The following NSMCE2 variants were observed in gnomAD, a reference collection of about 807,000 sequenced individuals.
The protein encoded by NSMCE2 is E3 SUMO-protein ligase NSE2.
NSMCE2 carries 24 observed loss-of-function variants against 23.8 expected under a neutral mutation model. The ratio of observed to expected loss-of-function variants is 1.01; its 90% confidence interval spans 0.73 to 1.42. The LOEUF (loss-of-function observed/expected upper bound fraction) is 1.42, where lower values mean the gene tolerates loss of function less well. NSMCE2 is among the 40% of genes most tolerant of loss of function. NSMCE2 has a pLI of 0.00. For missense variants in NSMCE2, 284 were observed against 296.5 expected, an observed-to-expected ratio of 0.96 and a Z score of 0.31; for synonymous variants, 92 against 94.1, an observed-to-expected ratio of 0.98 and a Z score of 0.13.
intron 1 of NSMCE2, among the ~76,000 whole-genome samples, chr8:125,099,707 G>C (rs749203443): frequency 6.6e-6 from 1 of 152,122 alleles, no homozygotes; most frequent in African/African-American, 2.4e-5. Context: ...AGTTGCAGTG[G>C]AGTGATAGAG....
At chr8:125,248,972 C>A (rs1444767037) in intron 5 of NSMCE2, among the ~76,000 whole-genome samples, 1 of 151,992 alleles carries the variant, frequency 6.6e-6, no homozygotes, top group Non-Finnish European at 1.5e-5. Flanking sequence ...GTGTTCAAGA[C>A]CAGCCTGGCC....
At chr8:125,117,012 C>G in intron 3 of NSMCE2, among the ~76,000 whole-genome samples, 1 of 151,674 alleles carries the variant, frequency 6.6e-6, no homozygotes, top group East Asian at 1.9e-4. Context: ...CTTAGCCTCC[C>G]AAGTAGCTGG....
chr8:125,293,147 A>G (rs1828181594), intron 5 of NSMCE2, among the ~76,000 whole-genome samples: 2 of 152,128 alleles, frequency 1.3e-5, no homozygotes, highest in South Asian at 2.1e-4. Context: ...AGCACTTACT[A>G]TATTCTGGGT....
chr8:125,099,470 A>AACTT (rs1260906234), intron 1 of NSMCE2, among the ~76,000 whole-genome samples: 2 of 152,112 alleles, frequency 1.3e-5, no homozygotes, highest in Non-Finnish European at 2.9e-5. Flanking sequence ...AAGAAAAAGA[A>AACTT]GCTTGGATTC....
At chr8:125,193,859 C>T (rs927253676) in intron 5 of NSMCE2, among the ~76,000 whole-genome samples, 11 of 152,200 alleles carry the variant, frequency 7.2e-5, no homozygotes, top group Non-Finnish European at 1.5e-4. Context: ...GAAGCAGCCT[C>T]ATAATTACCC....
chr8:125,143,123 G>C (rs1356988068), intron 3 of NSMCE2, among the ~76,000 whole-genome samples: 2 of 148,042 alleles, frequency 1.4e-5, no homozygotes, highest in South Asian at 2.2e-4. Flanking sequence ...CACACACACA[G>C]AGGTAGGTGC....
chr8:125,207,308 C>CT (rs570760054), intron 5 of NSMCE2, among the ~76,000 whole-genome samples: 21 of 151,902 alleles, frequency 1.4e-4, no homozygotes, highest in Non-Finnish European at 2.8e-4. Flanking sequence ...AGGAAACACA[C>CT]TGTGTAGTTT....
At chr8:125,220,085 A>G (rs1824785686) in intron 5 of NSMCE2, among the ~76,000 whole-genome samples, 1 of 152,146 alleles carries the variant, frequency 6.6e-6, no homozygotes, top group Non-Finnish European at 1.5e-5. Flanking sequence ...GGCTTTTTAG[A>G]TGTATTGCAT....
chr8:125,235,019 G>T (rs956600772), intron 5 of NSMCE2, among the ~76,000 whole-genome samples: 4 of 152,142 alleles, frequency 2.6e-5, no homozygotes, highest in Admixed American at 2.6e-4. Flanking sequence ...GCTGAGGCGG[G>T]CAGATCACTT....
At chr8:125,158,867 G>A (rs1157261151) in intron 4 of NSMCE2, among the ~76,000 whole-genome samples, 3 of 152,304 alleles carry the variant, frequency 2.0e-5, no homozygotes, top group Admixed American at 6.5e-5. Flanking sequence ...ATCAGTAAAT[G>A]TTAAAATTCA....
intron 3 of NSMCE2, among the ~76,000 whole-genome samples, chr8:125,103,449 G>A (rs112103504): frequency 1.3e-5 from 2 of 152,268 alleles, no homozygotes; most frequent in South Asian, 2.1e-4. Flanking sequence ...GTGATGTGCC[G>A]TGGTGTGATT....
At chr8:125,098,246 T>C (rs1818029480) in intron 1 of NSMCE2, among the ~76,000 whole-genome samples, 1 of 152,290 alleles carries the variant, frequency 6.6e-6, no homozygotes, top group South Asian at 2.1e-4. Flanking sequence ...CCTAGATATA[T>C]CAGAGTTAGA....
At chr8:125,207,632 A>T (rs1419123776) in intron 5 of NSMCE2, among the ~76,000 whole-genome samples, 1 of 152,182 alleles carries the variant, frequency 6.6e-6, no homozygotes. Flanking sequence ...ACCACCCCAA[A>T]ACGTAGTAGC....
chr8:125,189,771 T>C (rs1453278838), intron 5 of NSMCE2, among the ~76,000 whole-genome samples: 1 of 152,204 alleles, frequency 6.6e-6, no homozygotes. Context: ...CTTAAAATGC[T>C]CAACAAAAGT....
intron 5 of NSMCE2, among the ~76,000 whole-genome samples, chr8:125,286,815 T>A (rs1168485216): frequency 6.7e-6 from 1 of 149,828 alleles, no homozygotes; most frequent in African/African-American, 2.5e-5. Flanking sequence ...CAATAGTTAA[T>A]TTCCAGCAAA....
chr8:125,311,503 C>T (rs773430221), intron 5 of NSMCE2, among the ~76,000 whole-genome samples: 4 of 152,304 alleles, frequency 2.6e-5, no homozygotes, highest in South Asian at 2.1e-4. Flanking sequence ...AAATTGTCAG[C>T]GTGAGTATGC....
At chr8:125,274,283 CATGAAGGGGTTCCAAAGTAAA>C (rs935519317) in intron 5 of NSMCE2, among the ~76,000 whole-genome samples, 3 of 152,124 alleles carry the variant, frequency 2.0e-5, no homozygotes, top group African/African-American at 4.8e-5. Context: ...ATTTACTAAA[CATGAAGGGGTTCCAAAGTAAA>C]TTAGTGAAAC....
At chr8:125,118,603 T>C (rs1020701571) in intron 3 of NSMCE2, among the ~76,000 whole-genome samples, 1 of 152,216 alleles carries the variant, frequency 6.6e-6, no homozygotes, top group African/African-American at 2.4e-5. Context: ...TTTTGAACAG[T>C]GCTTATTGCA....
At chr8:125,232,649 C>T (rs945626898) in intron 5 of NSMCE2, among the ~76,000 whole-genome samples, 7 of 152,136 alleles carry the variant, frequency 4.6e-5, no homozygotes, top group South Asian at 2.1e-4. Context: ...GAATGTTCTG[C>T]GTACTCATCC....
Sources: gnomAD v4.1 joint callset for allele counts (sites outside exome capture counted in the v4.1 genomes callset) on GRCh38, gnomAD v4.1.1 for gene constraint, MANE v1.5 for transcripts, NCBI Gene and HGNC (gene_info 2026-07-23, HGNC 2026-07-21) for gene names.